AGAP2: variants seen among roughly 807,000 people sequenced by gnomAD.
The protein encoded by AGAP2 is arf-GAP with GTPase, ANK repeat and PH domain-containing protein 2.
In AGAP2, 32 loss-of-function variants were observed where a neutral mutation model predicts 110.9. The ratio of observed to expected loss-of-function variants is 0.29; its 90% confidence interval spans 0.22 to 0.39. The LOEUF is 0.39. AGAP2 is among the 10% of genes least tolerant of loss of function. The pLI is 1.00. For missense variants in AGAP2, 1,285 were observed against 1,638.5 expected, an observed-to-expected ratio of 0.78 and a Z score of 3.72; for synonymous variants, 702 against 713.0, an observed-to-expected ratio of 0.98 and a Z score of 0.25.
In AGAP2 at chr12:57,734,007, T is replaced by A; in HGVS notation, c.1549+19A>T. 6.5e-7 allele frequency: 1 copy of A among 1,547,466 alleles called. No individual in the cohort carries two copies. On this transcript the variant is annotated intron_variant, in intron 5 of 18. Transcript: ENST00000547588. ...TTAGGGCCTCCCTTGAAAGCAGTGC[T>A]TTCCTAACCCCTCCTTACCTTGTGT...
rs920299523 is a variant in AGAP2, at chr12:57,737,933, G to T, written c.314C>A (p.Ser105Tyr). ...GGAGAGGCGGCGGCCGGGAGCGGGG[G>T]AGACTGGGCGGGCCGGACTGGCCGG... Reference protein sequence around the residue: ...PAPASPARPVSPAPGRRLSLW... With the variant: ...PAPASPARPVYPAPGRRLSLW... The change falls in exon 1 of 19, where the codon TCC becomes TAC. Residue 105 changes from serine to tyrosine, a missense_variant. Physicochemically the swap from Ser to Tyr is moderately radical, Grantham distance 144 (BLOSUM62 -2). Coordinates refer to ENST00000547588, the MANE Select transcript of AGAP2 (RefSeq NM_001122772.3). This position sits in a 1 kb window ranked among gnomAD's most constrained non-coding sequence, Gnocchi z 5.9. 1 of 1,392,246 alleles carries T rather than the reference G, an allele frequency of 7.2e-7. No individual in the cohort carries two copies. Among genetic ancestry groups the T allele is most frequent in the African/African-American group, 1.5e-5 (1 of 64,946 alleles). The allele number at this position is 1,392,246 out of a possible 1,614,324, so 86.2% of individuals were successfully genotyped here. A position where few individuals can be genotyped will look rare whatever the true frequency, so the allele number is the denominator to read the frequency against.
rs139025929 is a variant in AGAP2 at position 57,727,726 on chromosome 12, G to T, written c.2812C>A (p.Arg938=). The part of the protein sequence containing the change: ...QSEAVAIQAI[R]NAKGNSICVD... Reference sequence around the variant, plus strand: ...CAGATTGAATTCCCCTTGGCGTTCCGGATCGCCTGGATGGCCACGGCCTCG... The same window carrying T: ...CAGATTGAATTCCCCTTGGCGTTCCTGATCGCCTGGATGGCCACGGCCTCG... The change falls in exon 16 of 19, where the codon CGG becomes AGG. Residue 938 remains arginine (R), a synonymous_variant. Coordinates refer to ENST00000547588, the MANE Select transcript of AGAP2 (RefSeq NM_001122772.3). 3,220 of 1,598,110 alleles carry T rather than the reference G, an allele frequency of 2.0e-3. 6 individuals carry two copies. The highest frequency in any genetic ancestry group is 2.4e-3 in the Non-Finnish European group (2,811 of 1,171,264).
rs866100614 is a variant in AGAP2 at position 57,737,613 on chromosome 12, A to G, written c.634T>C (p.Trp212Arg). Residue 212 changes from tryptophan to arginine, a missense_variant, in exon 1 of 19, where the codon TGG becomes CGG. Coordinates refer to ENST00000547588, the MANE Select transcript of AGAP2 (RefSeq NM_001122772.3). This position sits in a 1 kb window ranked among gnomAD's most constrained non-coding sequence, Gnocchi z 5.9. ...CTGGGCTTGCCCTCGCTTTCGGGCC[A>G]TGACAGGCGGCTACCCGCGCCCTTG... ...GGKGAGSRLS[W>R]PESEGKPRVK... The G allele has an allele frequency of 1.9e-6, 3 of 1,547,594 alleles. No homozygotes were observed. Among genetic ancestry groups the G allele is most frequent in the Non-Finnish European group, 1.7e-6 (2 of 1,146,760 alleles).
In AGAP2 at chr12:57,737,694, G is replaced by C. The variant is rs1299709163; in HGVS notation, c.553C>G (p.Pro185Ala). 1 of 1,549,578 alleles carries C rather than the reference G, an allele frequency of 6.5e-7. No homozygotes were observed. Among genetic ancestry groups the C allele is most frequent in the South Asian group, 1.2e-5 (1 of 84,342 alleles). ...SRRLKVAPPP[P>A]APKPCKTVTT... ...ACGGTCTTGCAAGGCTTGGGAGCCG[G>C]CGGAGGAGGCGCCACCTTGAGCCTC... Residue 185 changes from proline (P) to alanine (A), a missense_variant, in exon 1 of 19, where the codon CCG becomes GCG. Physicochemically the swap from Pro to Ala is conservative, Grantham distance 27. Around this residue, in one of 7 missense-constraint regions of AGAP2, gnomAD observed 844 missense variants for 941.2 expected, o/e 0.90. Coordinates refer to ENST00000547588, the MANE Select transcript of AGAP2 (RefSeq NM_001122772.3). The surrounding 1 kb of genome is among the most constrained non-coding windows in gnomAD (Gnocchi z 5.9).
upstream of AGAP2, chr12:57,742,034 C>T (rs1321216070): frequency 2.5e-6 from 4 of 1,614,058 alleles, no homozygotes; most frequent in East Asian, 2.2e-5. Flanking sequence ...GACTTCTGCT[C>T]TCACTGCAGC....
Position 57,737,947 on chromosome 12 carries a change from C to T in AGAP2, c.300G>A (p.Pro100=). Residue 100 remains proline, a synonymous_variant, in exon 1 of 19, where the codon CCG becomes CCA. Transcript: ENST00000547588. This position sits in a 1 kb window ranked among gnomAD's most constrained non-coding sequence, Gnocchi z 5.9. ...CGGGAGCGGGGGAGACTGGGCGGGC[C>T]GGACTGGCCGGAGCCGGGGACAGGG... ...PPALSPAPAS[P]ARPVSPAPGR... is the part of the protein sequence containing the mutation. 1 of 1,395,374 alleles carries T rather than the reference C, an allele frequency of 7.2e-7. No homozygotes were observed. The highest frequency in any genetic ancestry group is 9.2e-7 in the Non-Finnish European group (1 of 1,085,416). 86.4% of individuals were successfully genotyped at this position (1,395,374 alleles called of 1,614,324 possible).
At position 57,737,065 on chromosome 12, in the gene AGAP2, C is replaced by G; in HGVS notation, c.1168+14G>C. On this transcript the variant is annotated intron_variant, in intron 1 of 18. Transcript: ENST00000547588. The surrounding 1 kb of genome is among the most constrained non-coding windows in gnomAD (Gnocchi z 5.9). ...ACCCTTCCCTCCCTGTTCTCAAGCC[C>G]TGACTCAACTCACTAGGGGAAGCGC... 9 of 1,502,548 alleles carry G rather than the reference C, an allele frequency of 6.0e-6. No homozygotes were observed. The highest frequency in any genetic ancestry group is 8.0e-6 in the Non-Finnish European group (9 of 1,125,932). The allele number at this position is 1,502,548 out of a possible 1,614,324, so 93.1% of individuals were successfully genotyped here. A position where few individuals can be genotyped will look rare whatever the true frequency, so the allele number is the denominator to read the frequency against.
intron 2 of AGAP2, among the ~76,000 whole-genome samples, 200 bp downstream of exon 2, chr12:57,735,169 G>C (rs1370717832): frequency 6.6e-6 from 1 of 152,114 alleles, no homozygotes; most frequent in Non-Finnish European, 1.5e-5. Context: ...GCTGCATAAA[G>C]ACTAGATAGG....
intron 9 of AGAP2, 26 bp from the exon 10 acceptor site, chr12:57,731,496 G>A: frequency 6.2e-7 from 1 of 1,613,692 alleles, no homozygotes; most frequent in South Asian, 1.1e-5. Context: ...AGACACATGT[G>A]GGAAAAAAGC....
At chr12:57,735,521 C>CT (rs966731633) in intron 1 of AGAP2, 94 bp from the exon 2 acceptor site, 52 of 1,152,150 alleles carry the variant, frequency 4.5e-5, no homozygotes, top group Non-Finnish European at 6.3e-5. Flanking sequence ...GCTTTCCAAC[C>CT]CCCCCCCAAC....
upstream of AGAP2, among the ~76,000 whole-genome samples, chr12:57,738,978 C>T (rs1955042733): frequency 6.7e-6 from 1 of 148,866 alleles, no homozygotes; most frequent in South Asian, 2.2e-4. The surrounding 1 kb of genome is among the most constrained non-coding windows in gnomAD (Gnocchi z 6.7). Context: ...GAGGAGGCGG[C>T]CCCCAGGCCC....
Position 57,734,685 on chromosome 12 carries a change from G to T in AGAP2, c.1228-6C>A. 6.2e-7 allele frequency: 1 copy of T among 1,613,980 alleles called. No individual in the cohort carries two copies. Among genetic ancestry groups the T allele is most frequent in the Non-Finnish European group, 8.5e-7 (1 of 1,179,894 alleles). On this transcript the variant is annotated splice_region_variant and splice_polypyrimidine_tract_variant and intron_variant, in intron 2 of 18. Transcript: ENST00000547588. ...CTGGCATCGCCCAGCACACCCTGAG[G>T]GCAAGGTTGTGGAGCAGAAATTGTG...
intron 1 of AGAP2, 122 bp downstream of exon 1, chr12:57,736,957 C>T: frequency 7.0e-7 from 1 of 1,434,054 alleles, no homozygotes; most frequent in Non-Finnish European, 9.1e-7. Context: ...GAGGGGTGAG[C>T]TTGGTTCATC....
upstream of AGAP2, chr12:57,741,788 TC>T: frequency 8.8e-7 from 1 of 1,135,040 alleles, no homozygotes. Flanking sequence ...ATGTATTCTT[TC>T]CCAGAGTCCC....
chr12:57,733,248 C>G (rs1173329571), intron 5 of AGAP2, among the ~76,000 whole-genome samples: 2 of 151,858 alleles, frequency 1.3e-5, no homozygotes, highest in African/African-American at 4.8e-5. Flanking sequence ...CTGAGTGGTG[C>G]TTCCTGACAA....
At position 57,731,596 on chromosome 12, in the gene AGAP2, C is replaced by A. The variant is rs771238162; in HGVS notation, c.2000G>T (p.Gly667Val). 12 of 1,614,010 alleles carry A rather than the reference C, an allele frequency of 7.4e-6. No homozygotes were observed. In the Admixed American group the frequency reaches 1.0e-4, roughly 13 times the overall value. Reference sequence around the variant, plus strand: ...GGCTCGCCCACTCCCTGTTGTCTCTCCCCGACTATCCAAGCTTCGTTTCTC... The same window carrying A: ...GGCTCGCCCACTCCCTGTTGTCTCTACCCGACTATCCAAGCTTCGTTTCTC... ...DSEKRSLDSR[G>V]ETTGSGRAIP... Residue 667 changes from glycine (G) to valine (V), a missense_variant, in exon 9 of 19, where the codon GGA becomes GTA. Physicochemically the swap from Gly to Val is moderately radical, Grantham distance 109. Transcript: ENST00000547588.
intron 12 of AGAP2, 146 bp from the exon 13 acceptor site, chr12:57,729,913 T>G: frequency 3.5e-6 from 4 of 1,129,178 alleles, no homozygotes; most frequent in Non-Finnish European, 4.9e-6. Context: ...CCCTTGATCA[T>G]TCCTGGGGAT....
rs975463119 is a variant in AGAP2, at chr12:57,729,033, G to A, written c.2557+606C>T. ...TACTAAAAAATACAAAAAATTAGCC[G>A]GGCATGGTGGCAAGTGCCTGTAGTC... On this transcript the variant is annotated intron_variant, in intron 13 of 18. Transcript: ENST00000547588. Among the ~76,000 whole-genome samples the A allele has an allele frequency of 4.0e-5, 6 of 151,842 alleles. No individual in the cohort carries two copies. The South Asian group carries it at 6.2e-4, about 16-fold the overall frequency.
Position 57,737,792 on chromosome 12 carries a change from C to G in AGAP2, c.455G>C (p.Gly152Ala). 6.5e-7 allele frequency: 1 copy of G among 1,528,894 alleles called. No individual in the cohort carries two copies. The highest frequency in any genetic ancestry group is 1.2e-5 in the South Asian group (1 of 83,586). 94.7% of individuals were successfully genotyped at this position (1,528,894 alleles called of 1,614,324 possible). Reference protein sequence around the residue: ...RPLLSSPSWGGPEPEGRAGGG... With the variant: ...RPLLSSPSWGAPEPEGRAGGG... Reference sequence around the variant, plus strand: ...GCCCGCCCGGCCTTCGGGCTCCGGGCCGCCCCAGCTCGGGCTGCTGAGCAG... The same window carrying G: ...GCCCGCCCGGCCTTCGGGCTCCGGGGCGCCCCAGCTCGGGCTGCTGAGCAG... Residue 152 changes from glycine to alanine, a missense_variant, in exon 1 of 19, where the codon GGC becomes GCC. By Grantham distance (60) the Gly-to-Ala change is moderately conservative. Around this residue, in one of 7 missense-constraint regions of AGAP2, gnomAD observed 844 missense variants for 941.2 expected, o/e 0.90. Coordinates refer to ENST00000547588, the MANE Select transcript of AGAP2 (RefSeq NM_001122772.3). This position sits in a 1 kb window ranked among gnomAD's most constrained non-coding sequence, Gnocchi z 5.9.
Sources: gnomAD v4.1 joint callset for allele counts (sites outside exome capture counted in the v4.1 genomes callset) on GRCh38, gnomAD v4.1.1 for gene constraint, gnomAD v4.1.1 regional missense constraint, Gnocchi (gnomAD v3.1) non-coding constraint, MANE v1.5 for transcripts, NCBI Gene and HGNC (gene_info 2026-07-23, HGNC 2026-07-21) for gene names.